CSMD3: variants seen among roughly 807,000 people sequenced by gnomAD.
CSMD3 encodes CUB and sushi domain-containing protein 3.
Under a neutral mutation model 435.2 loss-of-function variants are expected in CSMD3, and 177 were observed. The observed-to-expected ratio is 0.41, with a 90% CI of 0.36 to 0.46. The LOEUF (loss-of-function observed/expected upper bound fraction) is 0.46. Among genes scored for constraint, CSMD3 ranks in the 20% least tolerant of loss-of-function variants. CSMD3 has a pLI of 0.34. For missense variants in CSMD3, 4,265 were observed against 4,504.6 expected (o/e 0.95, Z 1.52); for synonymous variants, 1,656 against 1,520.5 (o/e 1.09, Z -2.07).
At chr8:112,659,954 T>C (rs1170745214) in intron 17 of CSMD3, among the ~76,000 whole-genome samples, 1 of 152,100 alleles carries the variant, frequency 6.6e-6, no homozygotes, top group Non-Finnish European at 1.5e-5. Flanking sequence ...AGAAAAAAAC[T>C]ACAAAATAGC....
intron 3 of CSMD3, among the ~76,000 whole-genome samples, chr8:113,224,888 C>T (rs1482635649): frequency 1.3e-5 from 2 of 150,950 alleles, no homozygotes; most frequent in African/African-American, 4.9e-5. Context: ...AATGGGGATT[C>T]ATTTGCTTAT....
intron 8 of CSMD3, among the ~76,000 whole-genome samples, chr8:112,950,106 G>C (rs1160064089): frequency 6.6e-6 from 1 of 151,408 alleles, no homozygotes; most frequent in African/African-American, 2.4e-5. Flanking sequence ...CATACCTTTA[G>C]TTATCTATAG....
At chr8:112,631,996 C>T (rs1192986954) in intron 22 of CSMD3, among the ~76,000 whole-genome samples, 3 of 151,926 alleles carry the variant, frequency 2.0e-5, no homozygotes, top group Non-Finnish European at 4.4e-5. Context: ...ATAGATCAGT[C>T]ATATTTGATA....
intron 12 of CSMD3, among the ~76,000 whole-genome samples, chr8:112,825,528 G>A (rs773800465): frequency 3.9e-5 from 6 of 152,094 alleles, no homozygotes; most frequent in Non-Finnish European, 7.4e-5. Flanking sequence ...TGTTGTTGTT[G>A]TTGATGCTGC....
chr8:112,324,000 T>C (rs907030307), intron 45 of CSMD3, among the ~76,000 whole-genome samples: 4 of 152,080 alleles, frequency 2.6e-5, no homozygotes, highest in African/African-American at 2.4e-5. Flanking sequence ...TAAGACACAT[T>C]GTCTCCCCGA....
intron 1 of CSMD3, among the ~76,000 whole-genome samples, chr8:113,429,790 A>C (rs1275143935): frequency 6.6e-6 from 1 of 152,158 alleles, no homozygotes; most frequent in Non-Finnish European, 1.5e-5. Flanking sequence ...CCTGTCATCT[A>C]GTCTGAGTTC....
intron 1 of CSMD3, among the ~76,000 whole-genome samples, chr8:113,376,375 C>G: frequency 6.6e-6 from 1 of 151,846 alleles, no homozygotes; most frequent in Non-Finnish European, 1.5e-5. Context: ...AATACATGTT[C>G]AAGAACTGTT....
chr8:112,697,345 A>G (rs1421577848), intron 13 of CSMD3, among the ~76,000 whole-genome samples: 2 of 152,216 alleles, frequency 1.3e-5, no homozygotes, highest in Non-Finnish European at 2.9e-5. Context: ...CATCAATGAT[A>G]GACTGGGTTA....
At chr8:112,975,700 A>C (rs2084819431) in intron 7 of CSMD3, 137 bp downstream of exon 7, 1 of 1,337,440 alleles carries the variant, frequency 7.5e-7, no homozygotes, top group South Asian at 1.4e-5. Flanking sequence ...TACTATCCAT[A>C]TTTTTCAGCT....
Position 112,492,651 on chromosome 8 carries a change from T to G in CSMD3, c.5116A>C (p.Asn1706His). 2 of 1,613,972 alleles carry G rather than the reference T, an allele frequency of 1.2e-6. No homozygotes were observed. Among genetic ancestry groups the G allele is most frequent in the Non-Finnish European group, 1.7e-6 (2 of 1,179,882 alleles). The change falls in exon 31 of 71, where the codon AAT becomes CAT. Residue 1706 changes from asparagine (N) to histidine (H), a missense_variant. Coordinates refer to ENST00000297405, the MANE Select transcript of CSMD3 (RefSeq NM_198123.2). The stretch of plus-strand genomic sequence containing the variant: ...CCAAGTCTGGTGCCATTCATTATAT[T>G]GCCTGGATCAAAGCAGGACTCTCGC... The part of the protein sequence containing the change: ...KLRESCFDPG[N>H]IMNGTRLGMD...
chr8:112,877,936 T>TAAACCTA (rs1261406924), intron 10 of CSMD3, among the ~76,000 whole-genome samples: 1 of 152,164 alleles, frequency 6.6e-6, no homozygotes, highest in Non-Finnish European at 1.5e-5. Context: ...GTTATAGACT[T>TAAACCTA]AAACCTAAAA....
rs1227420293 is a variant in CSMD3, at chr8:112,573,629, T to C, written c.3914A>G (p.His1305Arg). 2.5e-6 allele frequency: 4 copies of C among 1,612,744 alleles called. No homozygotes were observed. In the South Asian group the frequency reaches 4.4e-5, roughly 18 times the overall value. Residue 1305 changes from histidine to arginine, a missense_variant, in exon 24 of 71, where the codon CAT becomes CGT. By Grantham distance (29) the His-to-Arg change is conservative. Around this residue, in one of 3 missense-constraint regions of CSMD3, gnomAD observed 3,255 missense variants for 3,380.2 expected, o/e 0.96. Transcript: ENST00000297405. ...KIYDGKDKTT[H>R]LLGAFTGASM... ...TGCACCAGTAAAAGCACCTAGTAGA[T>C]GAGTCGTTTTATCTTTTCCATCATA... is the stretch of plus-strand genomic sequence containing the variant.
chr8:112,929,173 G>C (rs1229049109), intron 9 of CSMD3, among the ~76,000 whole-genome samples: 1 of 139,614 alleles, frequency 7.2e-6, no homozygotes, highest in Non-Finnish European at 1.5e-5. Context: ...GTTCATTGTA[G>C]ATTCTGGATA....
chr8:112,632,707 T>C (rs1160283343), intron 22 of CSMD3, among the ~76,000 whole-genome samples: 1 of 152,078 alleles, frequency 6.6e-6, no homozygotes, highest in African/African-American at 2.4e-5. Flanking sequence ...AGTGTTTTTG[T>C]AATGTAAACT....
intron 5 of CSMD3, among the ~76,000 whole-genome samples, chr8:113,097,701 A>G (rs1395154345): frequency 1.3e-5 from 2 of 152,086 alleles, no homozygotes; most frequent in African/African-American, 2.4e-5. Context: ...GAATATTCCA[A>G]TTAAATATAT....
At chr8:112,746,641 A>G (rs2077432624) in intron 13 of CSMD3, among the ~76,000 whole-genome samples, 1 of 151,444 alleles carries the variant, frequency 6.6e-6, no homozygotes, top group Non-Finnish European at 1.5e-5. Flanking sequence ...ATAGTTATAT[A>G]TATTATTTAT....
intron 69 of CSMD3, among the ~76,000 whole-genome samples, chr8:112,230,412 G>T (rs1474241088): frequency 6.6e-6 from 1 of 152,070 alleles, no homozygotes; most frequent in Non-Finnish European, 1.5e-5. Flanking sequence ...CTTTGTCCAG[G>T]TTAAAGAAAA....
At chr8:112,902,437 A>T (rs1203182704) in intron 10 of CSMD3, among the ~76,000 whole-genome samples, 1 of 149,702 alleles carries the variant, frequency 6.7e-6, no homozygotes, top group Non-Finnish European at 1.5e-5. Context: ...TTTACGTTTT[A>T]AAAAATGGCA....
chr8:112,908,691 G>T (rs976636975), intron 10 of CSMD3, among the ~76,000 whole-genome samples: 5 of 151,336 alleles, frequency 3.3e-5, no homozygotes. Context: ...TGTGGTCTTT[G>T]GTATTCATAG....
Sources: allele counts gnomAD v4.1 joint callset (sites outside exome capture counted in the v4.1 genomes callset), GRCh38; gene constraint gnomAD v4.1.1; regional missense constraint gnomAD v4.1.1; transcripts MANE v1.5; gene names NCBI Gene and HGNC (gene_info 2026-07-23, HGNC 2026-07-21).